Variants in KCNIP4 observed in about 807,000 individuals in gnomAD.
KCNIP4 encodes Kv channel-interacting protein 4.
KCNIP4 carries 12 observed loss-of-function variants against 34.0 expected under a neutral mutation model. That is an observed-to-expected ratio of 0.35 (90% confidence interval 0.23 to 0.57). KCNIP4 has a LOEUF of 0.57. KCNIP4 is among the 20% of genes least tolerant of loss of function. The pLI, the probability that KCNIP4 is intolerant of heterozygous loss-of-function variation, is 0.83. For synonymous variants in KCNIP4, 124 were observed against 102.2 expected, an observed-to-expected ratio of 1.21 and a Z score of -1.29; for missense variants, 238 against 311.7, an observed-to-expected ratio of 0.76 and a Z score of 1.78.
chr4:20,979,541 G>A (rs1207393536), intron 1 of KCNIP4, among the ~76,000 whole-genome samples: 4 of 151,944 alleles, frequency 2.6e-5, no homozygotes, highest in Non-Finnish European at 4.4e-5. Flanking sequence ...TGGGACTACC[G>A]GCGCCCGCCA....
At chr4:21,318,361 CATT>C (rs978288829) in intron 1 of KCNIP4, among the ~76,000 whole-genome samples, 1 of 152,128 alleles carries the variant, frequency 6.6e-6, no homozygotes, top group Admixed American at 6.6e-5. Context: ...TTCACAGCAT[CATT>C]GTGAGTCAAA....
At chr4:21,059,645 A>C (rs1409018750) in intron 1 of KCNIP4, among the ~76,000 whole-genome samples, 1 of 152,126 alleles carries the variant, frequency 6.6e-6, no homozygotes, top group Non-Finnish European at 1.5e-5. Context: ...TATTTATGGG[A>C]TAGAGGGGAG....
At chr4:20,966,323 T>G (rs1198170118) in intron 1 of KCNIP4, among the ~76,000 whole-genome samples, 1 of 152,236 alleles carries the variant, frequency 6.6e-6, no homozygotes, top group African/African-American at 2.4e-5. Flanking sequence ...ATGCATTTGC[T>G]GACGTATAAA....
chr4:21,289,313 TTTAG>T (rs1560256694), intron 1 of KCNIP4, among the ~76,000 whole-genome samples: 2 of 152,162 alleles, frequency 1.3e-5, no homozygotes, highest in Admixed American at 6.5e-5. Flanking sequence ...ACTCCACTCT[TTTAG>T]TTGTTTTAAA....
Position 20,845,376 on chromosome 4 carries a change from T to G in KCNIP4, c.288+5167A>C, listed in dbSNP as rs1045731407. Among the ~76,000 whole-genome samples, 4 of 152,194 alleles carry G rather than the reference T, an allele frequency of 2.6e-5. No homozygotes were observed. In the South Asian group the frequency reaches 8.3e-4, roughly 32 times the overall value. On this transcript the variant is annotated intron_variant, in intron 3 of 8. Coordinates refer to ENST00000382152, the MANE Select transcript of KCNIP4 (RefSeq NM_025221.6). ...ATCAACCTAGTGACACTGTGCTCTA[T>G]GACCCCTCCCACCTTGTGATAATGC...
intron 1 of KCNIP4, among the ~76,000 whole-genome samples, chr4:21,753,337 G>C (rs186205791): frequency 1.2e-3 from 189 of 151,314 alleles, no homozygotes; most frequent in Non-Finnish European, 2.1e-3. Context: ...CTAAGTGCTG[G>C]CTATCTTTGG....
At chr4:21,684,780 T>C (rs2109030446) in intron 1 of KCNIP4, among the ~76,000 whole-genome samples, 1 of 152,112 alleles carries the variant, frequency 6.6e-6, no homozygotes, top group Non-Finnish European at 1.5e-5. Flanking sequence ...TAACTCGTCA[T>C]TTACATTAGG....
At chr4:21,071,514 C>A (rs1419464081) in intron 1 of KCNIP4, among the ~76,000 whole-genome samples, 3 of 152,090 alleles carry the variant, frequency 2.0e-5, no homozygotes, top group Non-Finnish European at 2.9e-5. Context: ...TGTAGAGTAA[C>A]TTTACCTACG....
chr4:21,812,328 G>A (rs1395148715), intron 1 of KCNIP4, among the ~76,000 whole-genome samples: 1 of 152,006 alleles, frequency 6.6e-6, no homozygotes. Flanking sequence ...ATACCCTCCA[G>A]AACAAATGTA....
chr4:21,556,676 T>A (rs1739036465), intron 1 of KCNIP4, among the ~76,000 whole-genome samples: 1 of 151,912 alleles, frequency 6.6e-6, no homozygotes, highest in Admixed American at 6.6e-5. Flanking sequence ...ATCCCAGCAC[T>A]TTGGGAAGCT....
Position 20,959,989 on chromosome 4 carries a change from T to A in KCNIP4, c.62-77280A>T, listed in dbSNP as rs916753636. 2.6e-5 allele frequency among the ~76,000 whole-genome samples: 4 copies of A among 152,350 alleles called. No individual in the cohort carries two copies. In the East Asian group the frequency reaches 7.7e-4, roughly 29 times the overall value. On this transcript the variant is annotated intron_variant, in intron 1 of 8. Transcript: ENST00000382152. Reference sequence around the variant, plus strand: ...TAAGTGTTTGCCATTATTTCATTTTTAATATCACCATTGTCTGGCTTAATA... The same window carrying A: ...TAAGTGTTTGCCATTATTTCATTTTAAATATCACCATTGTCTGGCTTAATA...
intron 1 of KCNIP4, among the ~76,000 whole-genome samples, chr4:21,920,412 C>T (rs1445954428): frequency 2.6e-5 from 4 of 151,986 alleles, no homozygotes; most frequent in Admixed American, 1.3e-4. Flanking sequence ...TATGAGTACT[C>T]CAGAGATGAA....
chr4:21,943,190 T>G (rs1320527492), intron 1 of KCNIP4, among the ~76,000 whole-genome samples: 1 of 152,196 alleles, frequency 6.6e-6, no homozygotes, highest in Non-Finnish European at 1.5e-5. Flanking sequence ...TTATGTCCAG[T>G]GAATTCTGCC....
intron 1 of KCNIP4, among the ~76,000 whole-genome samples, chr4:21,005,183 T>C (rs1354278385): frequency 6.6e-6 from 1 of 152,114 alleles, no homozygotes; most frequent in East Asian, 1.9e-4. Flanking sequence ...AAACAGGGGT[T>C]CCCAGATTAT....
At chr4:21,809,940 C>A (rs1171212447) in intron 1 of KCNIP4, among the ~76,000 whole-genome samples, 1 of 152,184 alleles carries the variant, frequency 6.6e-6, no homozygotes, top group African/African-American at 2.4e-5. Context: ...ATCCAATTAT[C>A]ATGAAGATCA....
intron 1 of KCNIP4, among the ~76,000 whole-genome samples, chr4:20,968,932 A>T (rs1734654181): frequency 6.6e-6 from 1 of 152,198 alleles, no homozygotes; most frequent in African/African-American, 2.4e-5. Flanking sequence ...ATAATAAAAA[A>T]TAAAAATAAA....
At chr4:20,852,260 T>C (rs1335983257) in intron 2 of KCNIP4, among the ~76,000 whole-genome samples, 1 of 151,908 alleles carries the variant, frequency 6.6e-6, no homozygotes, top group East Asian at 1.9e-4. Flanking sequence ...CAACAACATA[T>C]CAAAAAGATA....
chr4:21,616,815 C>A (rs563841613), intron 1 of KCNIP4, among the ~76,000 whole-genome samples: 1 of 152,246 alleles, frequency 6.6e-6, no homozygotes, highest in South Asian at 2.1e-4. Context: ...TTCAGTATGG[C>A]CTCATCTTAA....
At chr4:21,717,012 C>A (rs754202504) in intron 1 of KCNIP4, among the ~76,000 whole-genome samples, 1 of 152,138 alleles carries the variant, frequency 6.6e-6, no homozygotes, top group South Asian at 2.1e-4. Flanking sequence ...ATTTATTTCC[C>A]CATCTGATGG....
Sources: allele counts gnomAD v4.1 joint callset (sites outside exome capture counted in the v4.1 genomes callset), GRCh38; gene constraint gnomAD v4.1.1; transcripts MANE v1.5; gene names NCBI Gene and HGNC (gene_info 2026-07-23, HGNC 2026-07-21).